BIRC6: variants seen among roughly 807,000 people sequenced by gnomAD.
The protein encoded by BIRC6 is dual E2 ubiquitin-conjugating enzyme/E3 ubiquitin-protein ligase BIRC6.
A neutral mutation model predicts 503.3 loss-of-function variants in BIRC6; 98 were observed. The observed-to-expected ratio is 0.19, with a 90% CI of 0.17 to 0.23. BIRC6 has a LOEUF of 0.23. Ranked by LOEUF, BIRC6 falls within the 10% of genes least tolerant of loss-of-function variation. The probability of loss-of-function intolerance (pLI) is 1.00; values close to 1 mark genes in which losing one functional copy is unlikely to be tolerated. For synonymous variants in BIRC6, 2,240 were observed against 2,078.7 expected (o/e 1.08, Z -2.11); for missense variants, 5,360 against 5,806.0 (o/e 0.92, Z 2.50).
chr2:32,404,889 TG>T (rs1254483501), intron 8 of BIRC6, among the ~76,000 whole-genome samples: 1 of 152,000 alleles, frequency 6.6e-6, no homozygotes, highest in African/African-American at 2.4e-5. Flanking sequence ...CTCGAATTCC[TG>T]GGCTCAAGCA....
intron 3 of BIRC6, among the ~76,000 whole-genome samples, chr2:32,383,666 G>C (rs1416414812): frequency 2.0e-5 from 3 of 151,948 alleles, no homozygotes; most frequent in Non-Finnish European, 2.9e-5. Flanking sequence ...CCAGTAGCTG[G>C]GACTATAGGC....
chr2:32,510,655 T>G, intron 53 of BIRC6, 21 bp downstream of exon 53: 1 of 1,455,112 alleles, frequency 6.9e-7, no homozygotes, highest in Non-Finnish European at 9.6e-7. Flanking sequence ...ATTTTTCATT[T>G]AATTAAGCAC....
At chr2:32,470,691 T>C (rs1033751) in intron 31 of BIRC6, among the ~76,000 whole-genome samples, 76,356 of 151,928 alleles carry the variant, frequency 0.5, 19,736 homozygotes, top group Non-Finnish European at 0.57. Flanking sequence ...AGTTGAGAGT[T>C]AGATGTTTTA....
At chr2:32,358,029 G>A (rs2033413152) in intron 1 of BIRC6, among the ~76,000 whole-genome samples, 1 of 84,980 alleles carries the variant, frequency 1.2e-5, no homozygotes, top group Non-Finnish European at 2.4e-5. Context: ...CCCAGCGTGG[G>A]GGTGGGGGTG....
intron 15 of BIRC6, among the ~76,000 whole-genome samples, chr2:32,438,245 C>T (rs1408998504): frequency 4.6e-5 from 7 of 151,946 alleles, no homozygotes; most frequent in South Asian, 2.1e-4. Flanking sequence ...TTTTTTTGGA[C>T]GAGTAAAGGG....
At chr2:32,564,478 T>C (rs181796343) in intron 65 of BIRC6, 195 of 152,328 alleles carry the variant, frequency 1.3e-3, no homozygotes, top group African/African-American at 4.4e-3. Flanking sequence ...TTTGGTAATA[T>C]ACCTAGGATG....
At chr2:32,365,244 A>G (rs1191847997) in intron 1 of BIRC6, among the ~76,000 whole-genome samples, 2 of 151,994 alleles carry the variant, frequency 1.3e-5, no homozygotes, top group African/African-American at 4.8e-5. Flanking sequence ...TTAGTACTTA[A>G]CTCACTGGGT....
At chr2:32,547,132 T>G (rs941995741) in intron 63 of BIRC6, among the ~76,000 whole-genome samples, 1 of 152,312 alleles carries the variant, frequency 6.6e-6, no homozygotes, top group Middle Eastern at 3.4e-3. Flanking sequence ...AAAATGTATA[T>G]AAACATGCAA....
chr2:32,459,834 G>A (rs1430916189), intron 23 of BIRC6, among the ~76,000 whole-genome samples: 4 of 150,900 alleles, frequency 2.7e-5, no homozygotes, highest in African/African-American at 7.3e-5. Flanking sequence ...TGTTATAAGC[G>A]ATCTTCCTCT....
chr2:32,412,792 C>T (rs887048482), intron 9 of BIRC6, among the ~76,000 whole-genome samples: 1 of 151,922 alleles, frequency 6.6e-6, no homozygotes, highest in Non-Finnish European at 1.5e-5. Flanking sequence ...ACTGAGATTA[C>T]AATCTTTTTT....
At chr2:32,448,968 A>G (rs369680406) in intron 22 of BIRC6, 40 bp downstream of exon 22, 41 of 1,577,788 alleles carry the variant, frequency 2.6e-5, no homozygotes, top group Admixed American at 2.5e-4. Flanking sequence ...TGAATGTTGT[A>G]TCTTGGATTT....
Position 32,543,459 on chromosome 2 carries a change from T to C in BIRC6, c.12510T>C (p.Tyr4170=). The change falls in exon 62 of 74, where the codon TAT becomes TAC. Residue 4170 remains tyrosine (Y), a synonymous_variant. Transcript: ENST00000421745. ...AFGLFLRLPG[Y]AEVLLKERKH... Reference sequence around the variant, plus strand: ...GATTATTTCTTCGTCTTCCGGGCTATGCGGAAGTGCTACTGAAAGAGAGAA... The same window carrying C: ...GATTATTTCTTCGTCTTCCGGGCTACGCGGAAGTGCTACTGAAAGAGAGAA... The C allele has an allele frequency of 6.2e-7, 1 of 1,614,046 alleles. No homozygotes were observed. The highest frequency in any genetic ancestry group is 8.5e-7 in the Non-Finnish European group (1 of 1,179,894).
At chr2:32,560,128 G>T (rs1294964188) in intron 65 of BIRC6, among the ~76,000 whole-genome samples, 3 of 152,100 alleles carry the variant, frequency 2.0e-5, no homozygotes, top group Non-Finnish European at 4.4e-5. Flanking sequence ...TTAAAGAAAA[G>T]CATACTTACG....
In BIRC6 at chr2:32,518,367, A is replaced by G. The variant is rs1208865164; in HGVS notation, c.11463A>G (p.Lys3821=). The G allele has an allele frequency of 6.2e-7, 1 of 1,609,672 alleles. No homozygotes were observed. Among genetic ancestry groups the G allele is most frequent in the Non-Finnish European group, 8.5e-7 (1 of 1,178,944 alleles). The change falls in exon 56 of 74, where the codon AAA becomes AAG. Residue 3821 remains lysine, a synonymous_variant. Transcript: ENST00000421745. ...LFLQLMLEDE[K]VTMFLQSPCP... ...TACAGTTGATGCTGGAAGATGAGAA[A>G]GTGACAATGTTTCTTCAGTCTCCAT...
chr2:32,452,016 C>T (rs1196474711), intron 22 of BIRC6, among the ~76,000 whole-genome samples: 1 of 152,162 alleles, frequency 6.6e-6, no homozygotes, highest in African/African-American at 2.4e-5. Context: ...ATCAGTTGAT[C>T]TTAATGTAAC....
chr2:32,570,116 G>T (rs1279773039), intron 65 of BIRC6, among the ~76,000 whole-genome samples: 1 of 151,998 alleles, frequency 6.6e-6, no homozygotes, highest in Admixed American at 6.6e-5. Context: ...GTTTATTGGG[G>T]ATTTATATCA....
intron 40 of BIRC6, among the ~76,000 whole-genome samples, chr2:32,486,884 G>C (rs1018086742): frequency 1.3e-5 from 2 of 152,090 alleles, no homozygotes; most frequent in African/African-American, 4.8e-5. Flanking sequence ...GATCCCTTTT[G>C]TAGGGTCCAG....
intron 70 of BIRC6, among the ~76,000 whole-genome samples, chr2:32,602,184 A>G (rs1301592882): frequency 6.6e-6 from 1 of 152,240 alleles, no homozygotes; most frequent in Non-Finnish European, 1.5e-5. Flanking sequence ...TACAGAATCA[A>G]CTTAGCGGCC....
intron 53 of BIRC6, among the ~76,000 whole-genome samples, chr2:32,511,726 C>A (rs1297958140): frequency 1.3e-5 from 2 of 151,796 alleles, no homozygotes; most frequent in Admixed American, 6.6e-5. Context: ...ATTAGAAAAA[C>A]AGAGAGATTT....
Sources: allele counts gnomAD v4.1 joint callset (sites outside exome capture counted in the v4.1 genomes callset), GRCh38; gene constraint gnomAD v4.1.1; transcripts MANE v1.5; gene names NCBI Gene and HGNC (gene_info 2026-07-23, HGNC 2026-07-21).